The following TMEFF2 variants were observed in gnomAD, a reference collection of about 807,000 sequenced individuals.
TMEFF2 encodes tomoregulin-2.
TMEFF2 carries 28 observed loss-of-function variants against 53.8 expected under a neutral mutation model. The observed-to-expected ratio is 0.52, with a 90% CI of 0.39 to 0.71. TMEFF2 has a LOEUF of 0.71. Ranked by LOEUF, TMEFF2 falls within the 30% of genes least tolerant of loss-of-function variation. The pLI is 0.00. For synonymous variants in TMEFF2, 162 were observed against 166.3 expected, an observed-to-expected ratio of 0.97 and a Z score of 0.20; for missense variants, 353 against 455.2, an observed-to-expected ratio of 0.78 and a Z score of 2.04.
intron 7 of TMEFF2, among the ~76,000 whole-genome samples, chr2:191,970,853 A>G (rs1692617970): frequency 6.6e-6 from 1 of 152,054 alleles, no homozygotes. Context: ...ATTTATGTCT[A>G]TTTTCCCAGC....
intron 4 of TMEFF2, among the ~76,000 whole-genome samples, chr2:192,132,729 G>C (rs879451977): frequency 2.0e-5 from 3 of 152,148 alleles, no homozygotes; most frequent in Non-Finnish European, 4.4e-5. Flanking sequence ...ACCAGGGCAA[G>C]GAATGCCTGC....
intron 5 of TMEFF2, chr2:192,032,081 C>T (rs1687151900): frequency 6.6e-6 from 1 of 152,116 alleles, no homozygotes; most frequent in Non-Finnish European, 1.5e-5. Flanking sequence ...TACCTGAAAC[C>T]AGAGTGAAGT....
At chr2:192,102,626 C>CTTTTTTTTTTTT (rs10635775) in intron 4 of TMEFF2, among the ~76,000 whole-genome samples, 436 of 109,684 alleles carry the variant, frequency 4.0e-3, no homozygotes, top group Non-Finnish European at 5.0e-3. Flanking sequence ...TTTTCTTGTT[C>CTTTTTTTTTTTT]TTTTTTTTTT....
chr2:192,105,429 G>A (rs1230599979), intron 4 of TMEFF2, among the ~76,000 whole-genome samples: 1 of 151,884 alleles, frequency 6.6e-6, no homozygotes, highest in East Asian at 1.9e-4. Context: ...ATTCTAGTTG[G>A]AAGGCACTGA....
chr2:192,009,680 A>G (rs562843380), intron 5 of TMEFF2, among the ~76,000 whole-genome samples: 37 of 152,246 alleles, frequency 2.4e-4, no homozygotes, highest in South Asian at 8.3e-4. Context: ...GAAGACAAAT[A>G]TAATAGAAAT....
chr2:192,044,151 G>A (rs934916517), intron 5 of TMEFF2: 2 of 152,138 alleles, frequency 1.3e-5, no homozygotes, highest in African/African-American at 4.8e-5. Flanking sequence ...TGCATCAGGG[G>A]TATGTTAATT....
chr2:192,156,859 T>C (rs80278224), intron 4 of TMEFF2, among the ~76,000 whole-genome samples: 63 of 152,188 alleles, frequency 4.1e-4, no homozygotes, highest in African/African-American at 1.4e-3. Flanking sequence ...CTGGGATTAT[T>C]AGTCTAAACT....
At chr2:192,082,015 T>C (rs1422266221) in intron 4 of TMEFF2, among the ~76,000 whole-genome samples, 1 of 152,096 alleles carries the variant, frequency 6.6e-6, no homozygotes. Flanking sequence ...TTAGCCAGGA[T>C]GGTCTTGATC....
chr2:192,108,199 T>G (rs1347862829), intron 4 of TMEFF2, among the ~76,000 whole-genome samples: 1 of 151,764 alleles, frequency 6.6e-6, no homozygotes, highest in Non-Finnish European at 1.5e-5. Context: ...GCCAGTAAAT[T>G]CAAGATGAAT....
At chr2:192,133,693 C>T (rs1290473957) in intron 4 of TMEFF2, among the ~76,000 whole-genome samples, 2 of 152,198 alleles carry the variant, frequency 1.3e-5, no homozygotes, top group African/African-American at 2.4e-5. Context: ...CTCCTTTGCA[C>T]GGGTCATCCC....
intron 5 of TMEFF2, chr2:192,035,278 G>C (rs1423646313): frequency 6.6e-6 from 1 of 152,166 alleles, no homozygotes; most frequent in East Asian, 1.9e-4. Context: ...AAAGTTTGCA[G>C]AGTTTTGTAT....
intron 4 of TMEFF2, among the ~76,000 whole-genome samples, chr2:192,120,809 T>C (rs1298291666): frequency 6.6e-6 from 1 of 151,954 alleles, no homozygotes; most frequent in African/African-American, 2.4e-5. Flanking sequence ...CAATCTCAGC[T>C]CACCACAACC....
At chr2:192,136,918 G>A (rs1008410912) in intron 4 of TMEFF2, among the ~76,000 whole-genome samples, 2 of 152,100 alleles carry the variant, frequency 1.3e-5, no homozygotes, top group South Asian at 2.1e-4. Context: ...AAATAATTTG[G>A]CAGTTATAAT....
At chr2:192,049,151 C>G (rs1574325696) in intron 5 of TMEFF2, among the ~76,000 whole-genome samples, 1 of 114,060 alleles carries the variant, frequency 8.8e-6, no homozygotes, top group Admixed American at 8.3e-5. Context: ...TACATTTGGT[C>G]TATGTGTGTG....
rs184679651 is a variant in TMEFF2 at position 192,145,711 on chromosome 2, C to T, written c.439+33957G>A. 6.5e-3 allele frequency among the ~76,000 whole-genome samples: 987 copies of T among 152,068 alleles called. 13 individuals are homozygous for T. Among genetic ancestry groups the T allele is most frequent in the Non-Finnish European group, 6.5e-3 (445 of 67,946 alleles). ...TTACTCACTTTAAATACTGTACTGT[C>T]AACTTACTAGGCACGCAGTCTTGGG... On this transcript the variant is annotated intron_variant, in intron 4 of 9. Transcript: ENST00000272771.
chr2:192,119,410 A>G lies in TMEFF2; in HGVS notation c.439+60258T>C, dbSNP rs888435044. Among the ~76,000 whole-genome samples, 4 of 152,324 alleles carry G rather than the reference A, an allele frequency of 2.6e-5. No individual in the cohort carries two copies. In the South Asian group the frequency reaches 8.3e-4, roughly 32 times the overall value. ...AATATGTTTTTCCAACCAGATAGGT[A>G]GTGCTAAAGACTTACATAAATTCAT... On this transcript the variant is annotated intron_variant, in intron 4 of 9. Transcript: ENST00000272771.
At chr2:191,974,725 C>G (rs1240788778) in intron 7 of TMEFF2, among the ~76,000 whole-genome samples, 2 of 151,752 alleles carry the variant, frequency 1.3e-5, no homozygotes, top group Non-Finnish European at 2.9e-5. Context: ...AAAAGCTGCT[C>G]TAAAATATCA....
intron 2 of TMEFF2, among the ~76,000 whole-genome samples, chr2:192,186,594 C>T (rs10497726): frequency 1.3e-5 from 2 of 151,834 alleles, no homozygotes; most frequent in Non-Finnish European, 2.9e-5. Flanking sequence ...ATAGACTTGC[C>T]GATCCTTTCA....
chr2:192,077,100 C>A (rs1688450284), intron 4 of TMEFF2, among the ~76,000 whole-genome samples: 1 of 152,090 alleles, frequency 6.6e-6, no homozygotes, highest in Non-Finnish European at 1.5e-5. Flanking sequence ...TAGATATATG[C>A]AAGTAAGGCA....
Sources: allele counts gnomAD v4.1 joint callset (sites outside exome capture counted in the v4.1 genomes callset), GRCh38; gene constraint gnomAD v4.1.1; transcripts MANE v1.5; gene names NCBI Gene and HGNC (gene_info 2026-07-23, HGNC 2026-07-21).